TTC6: variants seen among roughly 807,000 people sequenced by gnomAD.
TTC6 encodes the protein tetratricopeptide repeat domain 6.
In TTC6, 172 loss-of-function variants were observed where a neutral mutation model predicts 210.4. The observed-to-expected ratio is 0.82, with a 90% CI of 0.72 to 0.93. The LOEUF (loss-of-function observed/expected upper bound fraction) is 0.93, where lower values mean the gene tolerates loss of function less well. Among genes scored for constraint, TTC6 ranks in the 40% least tolerant of loss-of-function variants. The probability of loss-of-function intolerance (pLI) is 0.00; values close to 1 mark genes in which losing one functional copy is unlikely to be tolerated. For missense variants in TTC6, 2,414 were observed against 2,318.1 expected, an observed-to-expected ratio of 1.04 and a Z score of -0.85; for synonymous variants, 804 against 819.6, an observed-to-expected ratio of 0.98 and a Z score of 0.32.
intron 14 of TTC6, among the ~76,000 whole-genome samples, chr14:37,768,072 G>T (rs1321745137): frequency 2.6e-5 from 4 of 151,112 alleles, no homozygotes; most frequent in Non-Finnish European, 5.9e-5. Context: ...TTTCCCCATT[G>T]CTTGTTTTTC....
At chr14:37,792,651 A>T (rs540275065) in intron 17 of TTC6, among the ~76,000 whole-genome samples, 7 of 152,062 alleles carry the variant, frequency 4.6e-5, no homozygotes, top group African/African-American at 1.7e-4. Context: ...TTTCTTAATT[A>T]CAAAAGCATT....
chr14:37,689,942 G>C (rs2095800584), intron 3 of TTC6, among the ~76,000 whole-genome samples: 1 of 152,082 alleles, frequency 6.6e-6, no homozygotes, highest in Non-Finnish European at 1.5e-5. Flanking sequence ...CATAAATGTG[G>C]TGTGTAAACT....
chr14:37,783,799 G>C (rs980538358), intron 14 of TTC6, among the ~76,000 whole-genome samples: 5 of 151,996 alleles, frequency 3.3e-5, no homozygotes, highest in Non-Finnish European at 5.9e-5. Context: ...CACACTGCTT[G>C]AAATGTGTCC....
At chr14:37,827,103 A>G (rs1595323691) in intron 28 of TTC6, 93 bp from the exon 31 acceptor site, 5 of 1,030,020 alleles carry the variant, frequency 4.9e-6, no homozygotes, top group East Asian at 2.8e-5. Context: ...CTCATTTCCC[A>G]CAAGTAGATT....
At chr14:37,774,273 G>A (rs2096030170) in intron 14 of TTC6, among the ~76,000 whole-genome samples, 1 of 151,662 alleles carries the variant, frequency 6.6e-6, no homozygotes, top group Non-Finnish European at 1.5e-5. Context: ...CCTGATTACT[G>A]TGGCCAGGAC....
chr14:37,841,619 T>G, exon 30 of TTC6: 2 of 1,603,952 alleles, frequency 1.2e-6, no homozygotes, highest in Non-Finnish European at 1.7e-6. Context: ...TAGAGCACAT[T>G]TCTACTACTG....
chr14:37,597,262 T>C (rs2095606441), intron 1 of TTC6, among the ~76,000 whole-genome samples: 1 of 152,146 alleles, frequency 6.6e-6, no homozygotes. Context: ...TACGGATGCT[T>C]AGCTTCCTGG....
intron 5 of TTC6, among the ~76,000 whole-genome samples, chr14:37,710,661 G>C (rs1413034102): frequency 6.6e-6 from 1 of 152,134 alleles, no homozygotes; most frequent in African/African-American, 2.4e-5. Context: ...ATTTGTAAAT[G>C]AGGAAACAGA....
chr14:37,799,164 G>T (rs1439680567), intron 20 of TTC6, among the ~76,000 whole-genome samples: 1 of 152,162 alleles, frequency 6.6e-6, no homozygotes. Context: ...TCTAGTACAT[G>T]GCACACATTT....
intron 1 of TTC6, among the ~76,000 whole-genome samples, chr14:37,676,710 G>C (rs1202173374): frequency 6.6e-6 from 1 of 152,028 alleles, no homozygotes; most frequent in African/African-American, 2.4e-5. Flanking sequence ...TTACATTCAG[G>C]TATTTGACCC....
intron 14 of TTC6, among the ~76,000 whole-genome samples, chr14:37,769,940 A>G (rs1325543834): frequency 6.6e-6 from 1 of 151,758 alleles, no homozygotes; most frequent in Non-Finnish European, 1.5e-5. Flanking sequence ...GTGGGCATTT[A>G]GTGCTATAAA....
Position 37,751,226 on chromosome 14 carries a change from G to C in TTC6, c.3129+1G>C, listed in dbSNP as rs1202031519. The C allele has an allele frequency of 4.6e-6, 7 of 1,518,372 alleles. No individual in the cohort carries two copies. In the East Asian group the frequency reaches 1.5e-4, roughly 32 times the overall value. The allele number at this position is 1,518,372 out of a possible 1,614,324, so 94.1% of individuals were successfully genotyped here. On this transcript the variant is annotated splice_donor_variant, in intron 13 of 30. Transcript: ENST00000553443. LOFTEE classifies it high-confidence loss of function. The stretch of plus-strand genomic sequence containing the variant: ...ACTGGCCATTGATGACTTTTCGAAA[G>C]TAAGCTTTATCACATATAATTCTAC...
chr14:37,746,940 A>C (rs945104946), intron 10 of TTC6, among the ~76,000 whole-genome samples: 1 of 152,118 alleles, frequency 6.6e-6, no homozygotes, highest in Admixed American at 6.5e-5. Context: ...TTAACATCCC[A>C]TATTTCAGTT....
chr14:37,759,181 T>C (rs2095976591), intron 14 of TTC6, among the ~76,000 whole-genome samples: 1 of 151,078 alleles, frequency 6.6e-6, no homozygotes, highest in Non-Finnish European at 1.5e-5. Flanking sequence ...GAGAATCGCT[T>C]GTACCTGGGA....
In TTC6 at chr14:37,683,871, G is replaced by A. The variant is rs184779984; in HGVS notation, c.1257+907G>A. 1.2e-3 allele frequency among the ~76,000 whole-genome samples: 187 copies of A among 151,456 alleles called. 1 individual carries two copies. The highest frequency in any genetic ancestry group is 2.4e-3 in the Admixed American group (37 of 15,184). On this transcript the variant is annotated intron_variant, in intron 3 of 30. Transcript: ENST00000553443. ...TTATTTAAAAATAGATATATTATTA[G>A]CATTAAAAAAACAGACCCTTTTCCT...
chr14:37,798,100 A>G (rs2096096799), intron 20 of TTC6, among the ~76,000 whole-genome samples: 1 of 152,014 alleles, frequency 6.6e-6, no homozygotes, highest in Non-Finnish European at 1.5e-5. Context: ...TCCCCACACC[A>G]TATTCTTCTC....
chr14:37,639,438 G>C (rs1037516326), intron 1 of TTC6, among the ~76,000 whole-genome samples: 2 of 152,140 alleles, frequency 1.3e-5, no homozygotes, highest in African/African-American at 4.8e-5. Flanking sequence ...TAGCACAAAT[G>C]ATATAATAAT....
At chr14:37,792,583 C>A (rs1049149722) in intron 17 of TTC6, among the ~76,000 whole-genome samples, 169 bp downstream of exon 19, 1 of 151,894 alleles carries the variant, frequency 6.6e-6, no homozygotes, top group Non-Finnish European at 1.5e-5. Flanking sequence ...TTTATAAAGC[C>A]TCTACTTTCA....
chr14:37,637,268 A>G (rs555657875), intron 1 of TTC6, among the ~76,000 whole-genome samples: 1 of 152,364 alleles, frequency 6.6e-6, no homozygotes, highest in Non-Finnish European at 1.5e-5. Flanking sequence ...GAGTCCTTAG[A>G]CTTGACACCA....
Sources: gnomAD v4.1 joint callset for allele counts (sites outside exome capture counted in the v4.1 genomes callset) on GRCh38, gnomAD v4.1.1 for gene constraint, MANE v1.5 for transcripts, NCBI Gene and HGNC (gene_info 2026-07-23, HGNC 2026-07-21) for gene names.